The following NSFL1C variants were observed in gnomAD, a reference collection of about 807,000 sequenced individuals.
The protein encoded by NSFL1C is NSFL1 cofactor, also known as NSFL1 cofactor p47.
A neutral mutation model predicts 43.1 loss-of-function variants in NSFL1C; 14 were observed. The observed-to-expected ratio is 0.32, with a 90% CI of 0.21 to 0.51. NSFL1C has a LOEUF of 0.51. NSFL1C is among the 20% of genes least tolerant of loss of function. The probability of loss-of-function intolerance (pLI) is 0.98; values close to 1 mark genes in which losing one functional copy is unlikely to be tolerated. For missense variants in NSFL1C, 406 were observed against 472.5 expected (o/e 0.86, Z 1.30); for synonymous variants, 171 against 183.5 (o/e 0.93, Z 0.55).
rs200562921 is a variant in NSFL1C, at chr20:1,455,010, A to T, written c.401T>A (p.Val134Glu). Residue 134 changes from valine (V) to glutamate (E), a missense_variant, in exon 4 of 9, where the codon GTG (valine) becomes GAG (glutamate). Around this residue, in one of 3 missense-constraint regions of NSFL1C, gnomAD observed 203 missense variants for 216.3 expected, o/e 0.94. Transcript: ENST00000216879. ...TCCAGGGCTCTTGGTCACTCGCTCCACAGCTACAGCTCCATGCTCTTTGGC... is the reference window on the plus strand; with the variant it reads ...TCCAGGGCTCTTGGTCACTCGCTCCTCAGCTACAGCTCCATGCTCTTTGGC... ...KGAKEHGAVA[V>E]ERVTKSPGET... 1.9e-6 allele frequency: 3 copies of T among 1,613,984 alleles called. No individual in the cohort carries two copies. The highest frequency in any genetic ancestry group is 2.7e-5 in the African/African-American group (2 of 74,926).
chr20:1,453,381 T>G (rs939060106), intron 5 of NSFL1C, among the ~76,000 whole-genome samples: 14 of 152,210 alleles, frequency 9.2e-5, no homozygotes, highest in Admixed American at 8.5e-4. Flanking sequence ...CACCTGAGGT[T>G]GCATCTTGAC....
intron 3 of NSFL1C, chr20:1,456,461 G>T (rs1200332582): frequency 6.6e-6 from 1 of 152,188 alleles, no homozygotes; most frequent in Non-Finnish European, 1.5e-5. Context: ...TAGAACACAT[G>T]TAATTTCTCA....
At chr20:1,461,754 A>T (rs2090416467) in intron 2 of NSFL1C, among the ~76,000 whole-genome samples, 1 of 152,218 alleles carries the variant, frequency 6.6e-6, no homozygotes, top group South Asian at 2.1e-4. Flanking sequence ...TCTGTAAAAT[A>T]GGAATAGTAC....
chr20:1,445,129 C>T (rs903127037), intron 8 of NSFL1C, among the ~76,000 whole-genome samples: 2 of 152,236 alleles, frequency 1.3e-5, no homozygotes, highest in South Asian at 4.1e-4. Context: ...GTTTCCCCAT[C>T]TTTAAAATGA....
intron 7 of NSFL1C, 93 bp from the exon 8 acceptor site, chr20:1,445,923 T>C (rs1275454773): frequency 5.2e-6 from 7 of 1,347,746 alleles, no homozygotes; most frequent in East Asian, 4.6e-5. Context: ...GCATTTGCAA[T>C]GCGCCTGGCA....
In NSFL1C at chr20:1,442,703, C is replaced by G. The variant is rs965542010; in HGVS notation, c.*1046G>C. 6.6e-6 allele frequency: 1 copy of G among 152,206 alleles called. No homozygotes were observed. The highest frequency in any genetic ancestry group is 1.5e-5 in the Non-Finnish European group (1 of 68,032). The allele number at this position is 152,206 out of a possible 1,614,324, so 9.4% of individuals were successfully genotyped here. A position where few individuals can be genotyped will look rare whatever the true frequency, so the allele number is the denominator to read the frequency against. Reference sequence around the variant, plus strand: ...AGCAGGTCAAAGAACAAGTGTGAAGCAGAACCTGCTAAGCAAAGCCAAGTA... The same window carrying G: ...AGCAGGTCAAAGAACAAGTGTGAAGGAGAACCTGCTAAGCAAAGCCAAGTA... On this transcript the variant is annotated 3_prime_UTR_variant, in exon 9 of 9. Coordinates refer to ENST00000216879, the MANE Select transcript of NSFL1C (RefSeq NM_016143.5).
rs2089980876 is a variant in NSFL1C, at chr20:1,442,994, C to T, written c.*755G>A. 1 of 152,182 alleles carries T rather than the reference C, an allele frequency of 6.6e-6. No homozygotes were observed. Among genetic ancestry groups the T allele is most frequent in the Non-Finnish European group, 1.5e-5 (1 of 68,042 alleles). 9.4% of individuals were successfully genotyped at this position (152,182 alleles called of 1,614,324 possible). On this transcript the variant is annotated 3_prime_UTR_variant, in exon 9 of 9. Transcript: ENST00000216879. ...TACCTCCTAGGTCCACTCAAGACTT[C>T]TGCACGTGGAGTAAATCAAGCCATA... is the stretch of plus-strand genomic sequence containing the variant.
chr20:1,466,410 C>G (rs1470425249), intron 1 of NSFL1C, among the ~76,000 whole-genome samples: 1 of 152,214 alleles, frequency 6.6e-6, no homozygotes, highest in Non-Finnish European at 1.5e-5. Flanking sequence ...AGATACTCGG[C>G]GCGGCAGCCA....
At chr20:1,447,910 A>AACAC (rs1200416911) in intron 7 of NSFL1C, among the ~76,000 whole-genome samples, 1 of 152,180 alleles carries the variant, frequency 6.6e-6, no homozygotes, top group East Asian at 1.9e-4. Flanking sequence ...TAGATGAGAA[A>AACAC]ACACACACAC....
intron 7 of NSFL1C, among the ~76,000 whole-genome samples, chr20:1,447,539 G>C (rs890035765): frequency 7.9e-6 from 1 of 126,070 alleles, no homozygotes; most frequent in Non-Finnish European, 1.8e-5. Flanking sequence ...GAAGCCAAAA[G>C]ACTGGACATT....
intron 3 of NSFL1C, among the ~76,000 whole-genome samples, chr20:1,455,466 G>A (rs1278821054): frequency 6.6e-6 from 1 of 152,168 alleles, no homozygotes; most frequent in Non-Finnish European, 1.5e-5. Flanking sequence ...CAGTTCAGGA[G>A]AGAGTCTCAG....
intron 8 of NSFL1C, among the ~76,000 whole-genome samples, chr20:1,444,810 G>A (rs2090024681): frequency 3.9e-5 from 6 of 152,172 alleles, no homozygotes; most frequent in Admixed American, 3.9e-4. Flanking sequence ...TCACTGGGAT[G>A]GGTCACTCGC....
At chr20:1,458,317 A>G in intron 2 of NSFL1C, 43 bp from the exon 3 acceptor site, 1 of 1,550,434 alleles carries the variant, frequency 6.4e-7, no homozygotes, top group South Asian at 1.1e-5. Flanking sequence ...GGGAGCATTA[A>G]GAAAGGTAAC....
intron 7 of NSFL1C, among the ~76,000 whole-genome samples, chr20:1,448,480 C>T (rs768010824): frequency 6.6e-6 from 1 of 152,192 alleles, no homozygotes; most frequent in Non-Finnish European, 1.5e-5. Flanking sequence ...GTTTGCTTCC[C>T]AGCACGTCCC....
chr20:1,456,119 C>G lies in NSFL1C; in HGVS notation c.279-987G>C. On this transcript the variant is annotated intron_variant, in intron 3 of 8. Transcript: ENST00000216879. The stretch of plus-strand genomic sequence containing the variant: ...GAACCTATAAAAATTAGTCTCAGCC[C>G]TCTATTTCCTGACATTCACCAGGGA... The G allele has an allele frequency of 1.5e-5, 3 of 200,734 alleles. 1 individual carries two copies. The South Asian group carries it at 2.5e-4, about 17-fold the overall frequency. 12.4% of individuals were successfully genotyped at this position (200,734 alleles called of 1,614,324 possible).
chr20:1,458,423 A>G (rs1198410894), intron 2 of NSFL1C, 149 bp from the exon 3 acceptor site: 1 of 614,738 alleles, frequency 1.6e-6, no homozygotes, highest in Non-Finnish European at 2.9e-6. Flanking sequence ...ATCCCCTAAG[A>G]TTACACATAA....
intron 7 of NSFL1C, among the ~76,000 whole-genome samples, chr20:1,447,023 GCA>G (rs1262592907): frequency 6.6e-6 from 1 of 152,204 alleles, no homozygotes; most frequent in South Asian, 2.1e-4. Flanking sequence ...TTGAGAGATT[GCA>G]CAGTTAAATA....
At chr20:1,459,249 T>C (rs953891328) in intron 2 of NSFL1C, among the ~76,000 whole-genome samples, 17 of 152,182 alleles carry the variant, frequency 1.1e-4, no homozygotes, top group East Asian at 5.8e-4. Flanking sequence ...ATTTCCCTCA[T>C]GCTGTTCTCA....
At chr20:1,450,991 A>T (rs1205589945) in intron 7 of NSFL1C, among the ~76,000 whole-genome samples, 1 of 152,252 alleles carries the variant, frequency 6.6e-6, no homozygotes, top group Non-Finnish European at 1.5e-5. Context: ...GTAAGAGAAG[A>T]AAGATACACT....
Sources: gnomAD v4.1 joint callset for allele counts (sites outside exome capture counted in the v4.1 genomes callset) on GRCh38, gnomAD v4.1.1 for gene constraint, gnomAD v4.1.1 regional missense constraint, MANE v1.5 for transcripts, NCBI Gene and HGNC (gene_info 2026-07-23, HGNC 2026-07-21) for gene names.